The following PAXX variants were observed in gnomAD, a reference collection of about 807,000 sequenced individuals.
PAXX encodes the protein protein PAXX.
In PAXX, 27 loss-of-function variants were observed where a neutral mutation model predicts 25.6. That is an observed-to-expected ratio of 1.06 (90% CI 0.78 to 1.46). PAXX has a LOEUF of 1.46. Among genes scored for constraint, PAXX ranks in the 40% most tolerant of loss-of-function variants. PAXX has a pLI of 0.00. For synonymous variants in PAXX, 126 were observed against 125.7 expected (o/e 1.00, Z -0.02); for missense variants, 295 against 280.2 (o/e 1.05, Z -0.38).
intron 1 of PAXX, 37 bp downstream of exon 1, chr9:136,992,599 A>C: frequency 1.3e-6 from 2 of 1,528,922 alleles, no homozygotes; most frequent in Non-Finnish European, 1.8e-6. Flanking sequence ...GGGTGCAGGG[A>C]GCTCCGCGGG....
rs1830599180 is a variant in PAXX, at chr9:136,992,519, G to T, written c.76G>T (p.Gly26Trp). ...EPPRFVCYCE[G>W]EESGEGDRGG... is the part of the protein sequence containing the mutation. ...GCCCCGCTTCGTGTGCTACTGCGAA[G>T]GGGAGGAAAGCGGGGAGGGGGACCG... Residue 26 changes from glycine (G) to tryptophan (W), a missense_variant, in exon 1 of 7, where the codon GGG (glycine) becomes TGG (tryptophan). Gly to Trp is a radical substitution (Grantham distance 184). Transcript: ENST00000371620. 5.5e-6 allele frequency: 8 copies of T among 1,447,610 alleles called. No individual in the cohort carries two copies. In the East Asian group the frequency reaches 1.9e-4, roughly 34 times the overall value. 89.7% of individuals were successfully genotyped at this position (1,447,610 alleles called of 1,614,324 possible).
chr9:136,993,119 AG>A lies in PAXX; in HGVS notation c.303del (p.Ser103ArgfsTer22). ...AGGACAGAGCATCCCTGACGCTTTC[AG>A]GGGGGCCCTCGGCACTGGCCTTTGA... ...QEDRASLTLSGGPSALAFDLS... is the reference protein window; with the variant it reads ...QEDRASLTLSXGPSALAFDLS... On this transcript the variant is annotated frameshift_variant, in exon 4 of 7. Coordinates refer to ENST00000371620, the MANE Select transcript of PAXX (RefSeq NM_183241.3). LOFTEE classifies it high-confidence loss of function. The A allele has an allele frequency of 2.5e-6, 4 of 1,603,650 alleles. No individual in the cohort carries two copies. The highest frequency in any genetic ancestry group is 2.2e-5 in the East Asian group (1 of 44,782).
chr9:136,993,534 G>C, intron 5 of PAXX, 46 bp from the exon 6 acceptor site: 1 of 1,608,712 alleles, frequency 6.2e-7, no homozygotes, highest in Non-Finnish European at 8.5e-7. Flanking sequence ...GTTGTGGTTG[G>C]GATGCTGCCA....
chr9:136,993,409 C>A lies in PAXX; in HGVS notation c.488C>A (p.Pro163Gln). 1.2e-6 allele frequency: 2 copies of A among 1,605,564 alleles called. No homozygotes were observed. The highest frequency in any genetic ancestry group is 8.5e-7 in the Non-Finnish European group (1 of 1,175,728). ...PRPAGPQLFLPDPDPQRGGPG... is the reference protein window; with the variant it reads ...PRPAGPQLFLQDPDPQRGGPG... ...CCTGCAGGGCCTCAGCTCTTCTTAC[C>A]AGGTAAGGCATGTCCGCCTGTGACT... The change falls in exon 5 of 7, where the codon CCA becomes CAA. Residue 163 changes from proline (P) to glutamine (Q), a missense_variant and splice_region_variant. Physicochemically the swap from Pro to Gln is moderately conservative, Grantham distance 76 (BLOSUM62 -1). Transcript: ENST00000371620.
chr9:136,993,549 C>G (rs1830638444), intron 5 of PAXX, 31 bp from the exon 6 acceptor site: 2 of 1,611,594 alleles, frequency 1.2e-6, no homozygotes, highest in Non-Finnish European at 1.7e-6. Context: ...CTGCCAGGTT[C>G]AGGAGCTGCC....
chr9:136,993,471 T>C, intron 5 of PAXX, 60 bp downstream of exon 5: 10 of 1,596,608 alleles, frequency 6.3e-6, no homozygotes, highest in Non-Finnish European at 7.7e-6. Flanking sequence ...GAACTCAGTT[T>C]CCCCCCAAAC....
In PAXX at chr9:136,993,078, G is replaced by A. The variant is rs1252689848; in HGVS notation, c.256G>A (p.Ala86Thr). 1.2e-6 allele frequency: 2 copies of A among 1,611,652 alleles called. No individual in the cohort carries two copies. Among genetic ancestry groups the A allele is most frequent in the South Asian group, 2.2e-5 (2 of 91,036 alleles). ...FRAACEQQAV[A>T]LTLQEDRASL... ...GGCAGCCTGTGAGCAGCAAGCTGTG[G>A]CTCTGACTCTGCAGGAGGACAGAGC... The change falls in exon 4 of 7, where the codon GCT becomes ACT. Residue 86 changes from alanine to threonine, a missense_variant. Ala to Thr is a moderately conservative substitution (Grantham distance 58). Coordinates refer to ENST00000371620, the MANE Select transcript of PAXX (RefSeq NM_183241.3).
chr9:136,993,511 C>G, intron 5 of PAXX, 69 bp from the exon 6 acceptor site: 2 of 1,601,502 alleles, frequency 1.2e-6, no homozygotes, highest in East Asian at 4.5e-5. Context: ...GAATGCCTAT[C>G]TATTCGGAGA....
At position 136,992,604 on chromosome 9, in the gene PAXX, C is replaced by T. The variant is rs1183683408; in HGVS notation, c.120-36C>T. On this transcript the variant is annotated intron_variant, in intron 1 of 6. Coordinates refer to ENST00000371620, the MANE Select transcript of PAXX (RefSeq NM_183241.3). Reference sequence around the variant, plus strand: ...GGGGAGGTAGGGGTGCAGGGAGCTCCGCGGGCGGCCCCGCCTGACAGGCCT... The same window carrying T: ...GGGGAGGTAGGGGTGCAGGGAGCTCTGCGGGCGGCCCCGCCTGACAGGCCT... 3 of 1,531,002 alleles carry T rather than the reference C, an allele frequency of 2.0e-6. No individual in the cohort carries two copies. In the African/African-American group the frequency reaches 4.1e-5, roughly 21 times the overall value. The allele number at this position is 1,531,002 out of a possible 1,614,324, so 94.8% of individuals were successfully genotyped here.
At chr9:136,993,725 C>T (rs1830646864) in intron 6 of PAXX, 41 bp from the exon 7 acceptor site, 23 of 1,613,798 alleles carry the variant, frequency 1.4e-5, no homozygotes, top group Non-Finnish European at 1.8e-5. Flanking sequence ...ACCCCTTTCT[C>T]CACACCATAG....
intron 2 of PAXX, 95 bp from the exon 3 acceptor site, chr9:136,992,830 C>T (rs1468620789): frequency 3.1e-6 from 5 of 1,597,726 alleles, no homozygotes; most frequent in Admixed American, 1.7e-5. Flanking sequence ...CTGTAGTCCT[C>T]CCATTGGCTA....
chr9:136,993,261 C>A lies in PAXX; in HGVS notation c.421+18C>A. ...ACTGGCAGGTAGGATTGGGGGTGGG[C>A]ACCTCATACCTTCACTGGGGTCCCC... On this transcript the variant is annotated intron_variant, in intron 4 of 6. Transcript: ENST00000371620. The A allele has an allele frequency of 1.3e-6, 2 of 1,547,424 alleles. No individual in the cohort carries two copies. The highest frequency in any genetic ancestry group is 1.7e-6 in the Non-Finnish European group (2 of 1,148,930).
Position 136,993,035 on chromosome 9 carries a change from G to C in PAXX, c.231-18G>C, listed in dbSNP as rs369428394. 4 of 1,612,728 alleles carry C rather than the reference G, an allele frequency of 2.5e-6. No individual in the cohort carries two copies. The East Asian group carries it at 8.9e-5, about 36-fold the overall frequency. On this transcript the variant is annotated intron_variant, in intron 3 of 6. Coordinates refer to ENST00000371620, the MANE Select transcript of PAXX (RefSeq NM_183241.3). ...GGAGGAGGGTCTGCCACAGCTCTCCGCACCTCTCCTCTCCCAGGGCAGCCT... is the reference window on the plus strand; with the variant it reads ...GGAGGAGGGTCTGCCACAGCTCTCCCCACCTCTCCTCTCCCAGGGCAGCCT...
chr9:136,992,522 G>T lies in PAXX; in HGVS notation c.79G>T (p.Glu27Ter). 4 of 1,449,624 alleles carry T rather than the reference G, an allele frequency of 2.8e-6. No individual in the cohort carries two copies. Among genetic ancestry groups the T allele is most frequent in the Non-Finnish European group, 1.8e-6 (2 of 1,095,806 alleles). 89.8% of individuals were successfully genotyped at this position (1,449,624 alleles called of 1,614,324 possible). Residue 27 changes from glutamate to a stop codon, truncating the protein, a stop_gained, in exon 1 of 7, where the codon GAG (glutamate) becomes TAG (stop). Coordinates refer to ENST00000371620, the MANE Select transcript of PAXX (RefSeq NM_183241.3). LOFTEE classifies it high-confidence loss of function. ...CCGCTTCGTGTGCTACTGCGAAGGGGAGGAAAGCGGGGAGGGGGACCGCGG... is the reference window on the plus strand; with the variant it reads ...CCGCTTCGTGTGCTACTGCGAAGGGTAGGAAAGCGGGGAGGGGGACCGCGG... ...PPRFVCYCEG[E>*]ESGEGDRGGF...
intron 2 of PAXX, 77 bp downstream of exon 2, chr9:136,992,777 G>A: frequency 1.3e-6 from 2 of 1,575,412 alleles, no homozygotes; most frequent in Non-Finnish European, 1.7e-6. Context: ...ACAGACATCT[G>A]GGATTCCCCA....
rs934386051 is a variant in PAXX, at chr9:136,993,415, A to G, written c.490+4A>G. The G allele has an allele frequency of 1.2e-6, 2 of 1,605,042 alleles. No homozygotes were observed. Among genetic ancestry groups the G allele is most frequent in the Admixed American group, 3.4e-5 (2 of 59,038 alleles). ...GGGCCTCAGCTCTTCTTACCAGGTA[A>G]GGCATGTCCGCCTGTGACTCAAGTA... On this transcript the variant is annotated splice_donor_region_variant and intron_variant, in intron 5 of 6. Transcript: ENST00000371620.
chr9:136,992,481 C>G lies in PAXX; in HGVS notation c.38C>G (p.Pro13Arg). ...TCGCCGCCGCTCTGCACGCTGCCGC[C>G]GGGCCCCGAGCCGCCCCGCTTCGTG... ...PLSPPLCTLP[P>R]GPEPPRFVCY... The change falls in exon 1 of 7, where the codon CCG becomes CGG. Residue 13 changes from proline to arginine, a missense_variant. Transcript: ENST00000371620. The G allele has an allele frequency of 9.4e-6, 13 of 1,387,598 alleles. No individual in the cohort carries two copies. Among genetic ancestry groups the G allele is most frequent in the Non-Finnish European group, 1.2e-5 (13 of 1,067,064 alleles). The allele number at this position is 1,387,598 out of a possible 1,614,324, so 86.0% of individuals were successfully genotyped here.
intron 5 of PAXX, 57 bp from the exon 6 acceptor site, chr9:136,993,523 G>T: frequency 6.2e-7 from 1 of 1,606,338 alleles, no homozygotes; most frequent in Non-Finnish European, 8.5e-7. Context: ...ATTCGGAGAA[G>T]GTTGTGGTTG....
In PAXX at chr9:136,993,865, G is replaced by C; in HGVS notation, c.*60G>C. 1 of 1,577,186 alleles carries C rather than the reference G, an allele frequency of 6.3e-7. No homozygotes were observed. The highest frequency in any genetic ancestry group is 8.6e-7 in the Non-Finnish European group (1 of 1,157,192). On this transcript the variant is annotated 3_prime_UTR_variant, in exon 7 of 7. Coordinates refer to ENST00000371620, the MANE Select transcript of PAXX (RefSeq NM_183241.3). ...GCCTATGAGGGGAGAGGCAGTCTTTGAGGCCCCCATCAGAGACCCCCCGCC... is the reference window on the plus strand; with the variant it reads ...GCCTATGAGGGGAGAGGCAGTCTTTCAGGCCCCCATCAGAGACCCCCCGCC...
Sources: allele counts gnomAD v4.1 joint callset, GRCh38; gene constraint gnomAD v4.1.1; transcripts MANE v1.5; gene names NCBI Gene and HGNC (gene_info 2026-07-23, HGNC 2026-07-21).